MYO9A: variants seen among roughly 807,000 people sequenced by gnomAD.
MYO9A encodes the protein unconventional myosin-IXa.
In MYO9A, 103 loss-of-function variants were observed where a neutral mutation model predicts 293.3. That is an observed-to-expected ratio of 0.35 (90% confidence interval 0.30 to 0.41). The LOEUF (loss-of-function observed/expected upper bound fraction) is 0.41. Ranked by LOEUF, MYO9A falls within the 10% of genes least tolerant of loss-of-function variation. MYO9A has a pLI of 1.00. For synonymous variants in MYO9A, 1,001 were observed against 1,035.7 expected (o/e 0.97, Z 0.64); for missense variants, 2,685 against 3,033.0 (o/e 0.89, Z 2.69).
rs1036122610 is a variant in MYO9A at position 71,903,045 on chromosome 15, G to A, written c.2896C>T (p.His966Tyr). The A allele has an allele frequency of 1.3e-6, 2 of 1,593,336 alleles. No homozygotes were observed. The highest frequency in any genetic ancestry group is 2.7e-5 in the African/African-American group (2 of 74,200). The change falls in exon 22 of 42, where the codon CAT (histidine) becomes TAT (tyrosine). Residue 966 changes from histidine to tyrosine, a missense_variant. Transcript: ENST00000356056. ...ATAATATTTCGGGGAAGAAGTACAT[G>A]GAAGTGGCTCACAAAATCCTGAAAA... ...YSFQDFVSHFHVLLPRNIIPS... is the reference protein window; with the variant it reads ...YSFQDFVSHFYVLLPRNIIPS...
At chr15:71,895,129 T>G (rs188310745) in intron 25 of MYO9A, among the ~76,000 whole-genome samples, 8 of 152,330 alleles carry the variant, frequency 5.3e-5, no homozygotes, top group Admixed American at 6.5e-5. Context: ...CTTAGAGATC[T>G]CCCTTTTTGA....
intron 26 of MYO9A, chr15:71,893,006 C>T (rs1465960240): frequency 1.6e-6 from 2 of 1,289,210 alleles, no homozygotes; most frequent in East Asian, 5.6e-5. Flanking sequence ...AGGCTGGGTG[C>T]AGGCCCTAGC....
intron 39 of MYO9A, among the ~76,000 whole-genome samples, chr15:71,838,121 G>A (rs1214326459): frequency 6.6e-6 from 1 of 152,030 alleles, no homozygotes; most frequent in Non-Finnish European, 1.5e-5. Flanking sequence ...TCCCTGAAAA[G>A]GATCTGTAGA....
intron 12 of MYO9A, among the ~76,000 whole-genome samples, chr15:71,970,690 C>A (rs921646351): frequency 2.6e-5 from 4 of 152,174 alleles, no homozygotes; most frequent in African/African-American, 9.7e-5. Context: ...TACAACAATA[C>A]GCTGACAGAT....
intron 39 of MYO9A, among the ~76,000 whole-genome samples, chr15:71,833,449 T>C (rs1463596533): frequency 6.6e-6 from 1 of 152,136 alleles, no homozygotes; most frequent in Non-Finnish European, 1.5e-5. Context: ...AATATGTATG[T>C]ACCTAAGAAA....
chr15:71,928,996 A>G (rs2058402528), intron 18 of MYO9A, among the ~76,000 whole-genome samples: 1 of 151,754 alleles, frequency 6.6e-6, no homozygotes, highest in Non-Finnish European at 1.5e-5. Context: ...GCTTGAACCC[A>G]TGAGTTCAAG....
chr15:71,928,694 T>G (rs988446294), intron 18 of MYO9A, among the ~76,000 whole-genome samples: 1 of 152,150 alleles, frequency 6.6e-6, no homozygotes, highest in Non-Finnish European at 1.5e-5. Context: ...TTATATTTTT[T>G]GATGCTATTG....
chr15:72,043,571 G>C (rs1387863589), intron 2 of MYO9A, among the ~76,000 whole-genome samples: 1 of 152,122 alleles, frequency 6.6e-6, no homozygotes, highest in Non-Finnish European at 1.5e-5. Flanking sequence ...TATACCAAGT[G>C]GGAGAAGCCA....
intron 2 of MYO9A, chr15:72,036,661 G>C (rs1198882781): frequency 1.3e-5 from 2 of 151,804 alleles, no homozygotes; most frequent in Non-Finnish European, 2.9e-5. Context: ...GACTTATCTG[G>C]CATTTCCCTG....
intron 4 of MYO9A, among the ~76,000 whole-genome samples, chr15:72,026,459 T>G (rs148381325): frequency 2.0e-5 from 3 of 151,368 alleles, no homozygotes; most frequent in African/African-American, 7.3e-5. Context: ...GTTGAAGCAG[T>G]GCTTAGAGGG....
intron 32 of MYO9A, among the ~76,000 whole-genome samples, chr15:71,868,613 C>G (rs1335149654): frequency 1.3e-5 from 2 of 152,078 alleles, no homozygotes; most frequent in African/African-American, 4.8e-5. Context: ...AGAATTCTGC[C>G]TACCATAGAC....
chr15:71,876,116 T>C (rs2056674814), intron 31 of MYO9A, among the ~76,000 whole-genome samples: 1 of 152,120 alleles, frequency 6.6e-6, no homozygotes, highest in African/African-American at 2.4e-5. Context: ...CCATATTAAT[T>C]TAAATGATTG....
chr15:72,107,217 T>A (rs186571868), intron 1 of MYO9A, among the ~76,000 whole-genome samples: 117 of 152,206 alleles, frequency 7.7e-4, no homozygotes, highest in African/African-American at 2.7e-3. Flanking sequence ...GACAGCCCAA[T>A]AACAAGGAGC....
At position 71,968,011 on chromosome 15, in the gene MYO9A, A is replaced by G. The variant is rs940585185; in HGVS notation, c.1959T>C (p.Tyr653=). 6 of 1,610,018 alleles carry G rather than the reference A, an allele frequency of 3.7e-6. No individual in the cohort carries two copies. The highest frequency in any genetic ancestry group is 4.5e-5 in the East Asian group (2 of 44,836). ...TTACCCCATATTTTACTTTTCCAGC[A>G]TAATGTTTTATAATGAAAGCAGGCT... The part of the protein sequence containing the change: ...VMEPAFIIKH[Y]AGKVKYGVKD... The change falls in exon 13 of 42, where the codon TAT becomes TAC. Residue 653 remains tyrosine (Y), a synonymous_variant. Transcript: ENST00000356056.
chr15:72,033,256 C>G (rs563948258), intron 2 of MYO9A, among the ~76,000 whole-genome samples: 1 of 152,198 alleles, frequency 6.6e-6, no homozygotes, highest in African/African-American at 2.4e-5. Context: ...TATACTTTTA[C>G]TTTTTAAAAA....
At chr15:72,091,172 C>CTG (rs2079895332) in intron 1 of MYO9A, among the ~76,000 whole-genome samples, 1 of 150,846 alleles carries the variant, frequency 6.6e-6, no homozygotes, top group African/African-American at 2.4e-5. Context: ...GCACCACAGC[C>CTG]TGCATAACAG....
intron 1 of MYO9A, among the ~76,000 whole-genome samples, chr15:72,064,088 C>G (rs192556328): frequency 6.6e-6 from 1 of 152,038 alleles, no homozygotes; most frequent in Non-Finnish European, 1.5e-5. Flanking sequence ...TTATCTCATT[C>G]ATTTGTGGGA....
chr15:71,960,100 T>C lies in MYO9A; in HGVS notation c.1987-4A>G, dbSNP rs751587900. On this transcript the variant is annotated splice_region_variant and splice_polypyrimidine_tract_variant and intron_variant, in intron 13 of 41. Transcript: ENST00000356056. ...CTGTATTTTTTTCCCGGAAATCCTA[T>C]ATGAAAAAAGTACCAGTGTTACTTA... is the stretch of plus-strand genomic sequence containing the variant. 1 of 1,611,998 alleles carries C rather than the reference T, an allele frequency of 6.2e-7. No homozygotes were observed. Among genetic ancestry groups the C allele is most frequent in the East Asian group, 2.2e-5 (1 of 44,856 alleles).
chr15:71,826,372 G>C lies in MYO9A; in HGVS notation c.*208C>G. 3.6e-6 allele frequency: 2 copies of C among 549,232 alleles called. No homozygotes were observed. Among genetic ancestry groups the C allele is most frequent in the Non-Finnish European group, 6.2e-6 (2 of 321,418 alleles). 34.0% of individuals were successfully genotyped at this position (549,232 alleles called of 1,614,324 possible). On this transcript the variant is annotated 3_prime_UTR_variant, in exon 42 of 42. Coordinates refer to ENST00000356056, the MANE Select transcript of MYO9A (RefSeq NM_006901.4). ...TAAAAATCTCAATTCAAATACAACA[G>C]CCAAGGCACAGCTGGCACCATCCCC... is the stretch of plus-strand genomic sequence containing the variant.
Sources: allele counts gnomAD v4.1 joint callset (sites outside exome capture counted in the v4.1 genomes callset), GRCh38; gene constraint gnomAD v4.1.1; transcripts MANE v1.5; gene names NCBI Gene and HGNC (gene_info 2026-07-23, HGNC 2026-07-21).